A2ML1: variants seen among roughly 807,000 people sequenced by gnomAD.
A2ML1 encodes alpha-2-macroglobulin-like protein 1.
In A2ML1, 161 loss-of-function variants were observed where a neutral mutation model predicts 181.9. The observed-to-expected ratio is 0.89, with a 90% CI of 0.78 to 1.01. The LOEUF is 1.01. Ranked by LOEUF, A2ML1 falls within the 50% of genes least tolerant of loss-of-function variation. A2ML1 has a pLI of 0.00. For missense variants in A2ML1, 1,670 were observed against 1,768.1 expected (o/e 0.94, Z 1.00); for synonymous variants, 663 against 666.8 (o/e 0.99, Z 0.09).
chr12:8,830,396 C>T (rs1160836153), intron 4 of A2ML1, among the ~76,000 whole-genome samples: 1 of 120,062 alleles, frequency 8.3e-6, no homozygotes, highest in Non-Finnish European at 1.8e-5. Flanking sequence ...ACCTTTTCTT[C>T]AGGACTGACA....
intron 7 of A2ML1, among the ~76,000 whole-genome samples, chr12:8,883,284 C>G (rs147686814): frequency 1.3e-5 from 2 of 152,184 alleles, no homozygotes; most frequent in East Asian, 3.9e-4. Flanking sequence ...CTTCCAACTC[C>G]CCACCACCAC....
At chr12:8,851,632 C>A in intron 18 of A2ML1, 152 bp from the exon 19 acceptor site, 3 of 711,172 alleles carry the variant, frequency 4.2e-6, no homozygotes, top group Non-Finnish European at 7.0e-6. Context: ...CCTCAAACTG[C>A]TGGGCTGAAG....
chr12:8,874,392 T>C (rs751829043), intron 33 of A2ML1, 33 bp from the exon 34 acceptor site: 1 of 1,506,546 alleles, frequency 6.6e-7, no homozygotes, highest in Non-Finnish European at 9.2e-7. Flanking sequence ...TCATTTTACT[T>C]CTAAGGTACT....
Position 8,829,784 on chromosome 12 carries a change from G to C in A2ML1, c.462+5G>C. The C allele has an allele frequency of 6.2e-7, 1 of 1,614,094 alleles. No individual in the cohort carries two copies. Among genetic ancestry groups the C allele is most frequent in the South Asian group, 1.1e-5 (1 of 91,080 alleles). On this transcript the variant is annotated splice_donor_5th_base_variant and intron_variant, in intron 4 of 35. Transcript: ENST00000299698. ...TTCGTTCCAGTGAATGACAAGGTGA[G>C]TTGGGAGGAGGAGAAGGAGTGGCGC... is the stretch of plus-strand genomic sequence containing the variant.
At chr12:8,868,945 T>A (rs1421588286) in intron 32 of A2ML1, among the ~76,000 whole-genome samples, 190 bp from the exon 33 acceptor site, 1 of 152,076 alleles carries the variant, frequency 6.6e-6, no homozygotes, top group Non-Finnish European at 1.5e-5. Flanking sequence ...CACAAACTCA[T>A]GATTGGATTA....
At chr12:8,857,796 G>A (rs1944120727) in intron 25 of A2ML1, 150 bp from the exon 26 acceptor site, 2 of 1,188,894 alleles carry the variant, frequency 1.7e-6, no homozygotes, top group Non-Finnish European at 2.4e-6. Flanking sequence ...CCTCATTGGT[G>A]CCCATTAATG....
At chr12:8,868,172 T>G (rs1230359234) in intron 30 of A2ML1, 58 bp from the exon 31 acceptor site, 2 of 1,611,454 alleles carry the variant, frequency 1.2e-6, no homozygotes, top group Non-Finnish European at 1.7e-6. Context: ...TAGTTTGAAC[T>G]GTACAATCTT....
In A2ML1 at chr12:8,857,094, A is replaced by G. The variant is rs771609363; in HGVS notation, c.2849-70A>G. 937 of 1,443,608 alleles carry G rather than the reference A, an allele frequency of 6.5e-4. 1 individual carries two copies. The highest frequency in any genetic ancestry group is 1.3e-3 in the Admixed American group (67 of 50,072). The allele number at this position is 1,443,608 out of a possible 1,614,324, so 89.4% of individuals were successfully genotyped here. ...TAGCTAATACGTGTTTGTTCAGTGA[A>G]TGATGATAACTCTTAGAGGGTCCCT... On this transcript the variant is annotated intron_variant, in intron 23 of 35. Transcript: ENST00000299698.
At chr12:8,835,377 G>C in intron 5 of A2ML1, 130 bp from the exon 6 acceptor site, 1 of 1,099,496 alleles carries the variant, frequency 9.1e-7, no homozygotes, top group East Asian at 2.4e-5. Flanking sequence ...GCTCTTCCTG[G>C]ACACAGACCA....
chr12:8,857,870 C>G (rs1286927280), intron 25 of A2ML1, 76 bp from the exon 26 acceptor site: 1 of 1,566,584 alleles, frequency 6.4e-7, no homozygotes, highest in African/African-American at 1.4e-5. Context: ...AGTATACACC[C>G]AAATAAATGA....
intron 4 of A2ML1, chr12:8,830,560 G>T (rs1751100782): frequency 6.6e-6 from 1 of 152,090 alleles, no homozygotes; most frequent in Non-Finnish European, 1.5e-5. Flanking sequence ...GCGAATATTT[G>T]ATTTTTCCTT....
rs1942807380 is a variant in A2ML1, at chr12:8,823,284, T to C, written c.165T>C (p.Thr55=). 1 of 1,614,142 alleles carries C rather than the reference T, an allele frequency of 6.2e-7. No homozygotes were observed. The highest frequency in any genetic ancestry group is 8.5e-7 in the Non-Finnish European group (1 of 1,180,014). Residue 55 remains threonine, a synonymous_variant, in exon 2 of 36, where the codon ACT becomes ACC. Transcript: ENST00000299698. The part of the protein sequence containing the change: ...PGYSDVKFTV[T]LETKDKTQKL... ...ACAGTGATGTTAAATTCACGGTTAC[T>C]CTGGAGACCAAGGACAAGACCCAGA...
chr12:8,852,205 C>T lies in A2ML1; in HGVS notation c.2464-5C>T, dbSNP rs1473312242. On this transcript the variant is annotated splice_region_variant and splice_polypyrimidine_tract_variant and intron_variant, in intron 19 of 35. Coordinates refer to ENST00000299698, the MANE Select transcript of A2ML1 (RefSeq NM_144670.6). This position sits in a 1 kb window ranked among gnomAD's most constrained non-coding sequence, Gnocchi z 4.2. ...TACCCTTTGTCTCTTAAACATCCTC[C>T]GTAGGTTCAGACTGACCTGGCTAAA... is the stretch of plus-strand genomic sequence containing the variant. The T allele has an allele frequency of 5.6e-6, 9 of 1,613,968 alleles. No homozygotes were observed. Among genetic ancestry groups the T allele is most frequent in the African/African-American group, 5.3e-5 (4 of 75,040 alleles).
intron 16 of A2ML1, among the ~76,000 whole-genome samples, chr12:8,849,417 A>G (rs1477738993): frequency 2.0e-5 from 3 of 152,244 alleles, no homozygotes; most frequent in Non-Finnish European, 2.9e-5. Flanking sequence ...TAGTAAGGAC[A>G]TAGCGAATAA....
In A2ML1 at chr12:8,823,825, C is replaced by A; in HGVS notation, c.352C>A (p.Gln118Lys). The change falls in exon 3 of 36, where the codon CAG becomes AAG. Residue 118 changes from glutamine (Q) to lysine (K), a missense_variant. Physicochemically the swap from Gln to Lys is moderately conservative, Grantham distance 53. Transcript: ENST00000299698. ...EEKKKVLIQRQGNGTFVQTDK... is the reference protein window; with the variant it reads ...EEKKKVLIQRKGNGTFVQTDK... ...GAAGAAAAAGGTTCTAATTCAGAGG[C>A]AGGGGAACGGCACCTTTGTACAGAC... 1.2e-6 allele frequency: 2 copies of A among 1,614,062 alleles called. No homozygotes were observed. The highest frequency in any genetic ancestry group is 2.2e-5 in the South Asian group (2 of 91,076).
intron 25 of A2ML1, 153 bp from the exon 26 acceptor site, chr12:8,857,793 G>T: frequency 8.4e-7 from 1 of 1,186,316 alleles, no homozygotes; most frequent in Non-Finnish European, 1.2e-6. Context: ...TGTCCTCATT[G>T]GTGCCCATTA....
downstream of A2ML1, among the ~76,000 whole-genome samples, chr12:8,878,755 G>A (rs757779655): frequency 6.6e-6 from 1 of 152,248 alleles, no homozygotes; most frequent in South Asian, 2.1e-4. This position sits in a 1 kb window ranked among gnomAD's most constrained non-coding sequence, Gnocchi z 4.4. Flanking sequence ...CTTGAGCTCT[G>A]AGTTCGAGAT....
Position 8,863,834 on chromosome 12 carries a change from G to C in A2ML1, c.3543G>C (p.Ser1181=). The change falls in exon 29 of 36, where the codon TCG becomes TCC. Residue 1181 remains serine (S), a synonymous_variant. Coordinates refer to ENST00000299698, the MANE Select transcript of A2ML1 (RefSeq NM_144670.6). The part of the protein sequence containing the change: ...IYWSQKPTPS[S]NASPWSEPAA... Reference sequence around the variant, plus strand: ...GGAGCCAGAAACCTACTCCATCATCGAACGCCAGCCCTTGGTCTGAGCCTG... The same window carrying C: ...GGAGCCAGAAACCTACTCCATCATCCAACGCCAGCCCTTGGTCTGAGCCTG... 6.2e-7 allele frequency: 1 copy of C among 1,614,090 alleles called. No homozygotes were observed.
chr12:8,843,410 G>T, intron 12 of A2ML1, 49 bp downstream of exon 12: 1 of 1,574,200 alleles, frequency 6.4e-7, no homozygotes, highest in South Asian at 1.1e-5. Context: ...GAAGGAAAGA[G>T]AATGAGAAGA....
Sources: gnomAD v4.1 joint callset for allele counts (sites outside exome capture counted in the v4.1 genomes callset) on GRCh38, gnomAD v4.1.1 for gene constraint, Gnocchi (gnomAD v3.1) non-coding constraint, MANE v1.5 for transcripts, NCBI Gene and HGNC (gene_info 2026-07-23, HGNC 2026-07-21) for gene names.